Variants in COLEC10 observed in about 807,000 individuals in gnomAD.
COLEC10 encodes collectin-10.
In COLEC10, 22 loss-of-function variants were observed where a neutral mutation model predicts 28.4. The ratio of observed to expected loss-of-function variants is 0.78; its 90% CI spans 0.55 to 1.11. COLEC10 has a LOEUF of 1.11. Ranked by LOEUF, COLEC10 falls within the 50% of genes least tolerant of loss-of-function variation. COLEC10 has a pLI of 0.00. For synonymous variants in COLEC10, 125 were observed against 116.1 expected, an observed-to-expected ratio of 1.08 and a Z score of -0.49; for missense variants, 361 against 344.1, an observed-to-expected ratio of 1.05 and a Z score of -0.39.
At chr8:119,069,629 A>AAAATAT (rs1554627284) in intron 1 of COLEC10, among the ~76,000 whole-genome samples, 2 of 42,876 alleles carry the variant, frequency 4.7e-5, no homozygotes, top group Admixed American at 4.9e-4. Context: ...AAAAAAAAAA[A>AAAATAT]ATATATATAT....
chr8:119,053,865 A>G lies in COLEC10; in HGVS notation n.236-35815A>G, dbSNP rs537250843. 2.6e-5 allele frequency among the ~76,000 whole-genome samples: 4 copies of G among 152,214 alleles called. No individual in the cohort carries two copies. The South Asian group carries it at 8.3e-4, about 32-fold the overall frequency. On this transcript the variant is annotated intron_variant and non_coding_transcript_variant, in intron 2 of 6. Coordinates refer to the COLEC10 transcript ENST00000521788. Reference sequence around the variant, plus strand: ...CAATTGGATACTTGAAACCGTGGATAGTATTGAACCCTATATATACTATGT... The same window carrying G: ...CAATTGGATACTTGAAACCGTGGATGGTATTGAACCCTATATATACTATGT...
intron 2 of COLEC10, among the ~76,000 whole-genome samples, chr8:119,021,103 G>A (rs1814083042): frequency 6.6e-6 from 1 of 152,108 alleles, no homozygotes; most frequent in East Asian, 1.9e-4. Context: ...AACATTCAAT[G>A]TTAATTGAAA....
At position 119,106,236 on chromosome 8, in the gene COLEC10, A is replaced by G. The variant is rs759497062; in HGVS notation, c.*45A>G. On this transcript the variant is annotated 3_prime_UTR_variant, in exon 6 of 6. Coordinates refer to ENST00000332843, the MANE Select transcript of COLEC10 (RefSeq NM_006438.5). Reference sequence around the variant, plus strand: ...TTGCTATTTTCCTGTGACCGTCATTACAGTTATTGTTATCCATCCTTTTTT... The same window carrying G: ...TTGCTATTTTCCTGTGACCGTCATTGCAGTTATTGTTATCCATCCTTTTTT... 3 of 1,541,554 alleles carry G rather than the reference A, an allele frequency of 1.9e-6. No homozygotes were observed. The Admixed American group carries it at 5.7e-5, about 29-fold the overall frequency.
chr8:119,095,766 C>T (rs1414691345), intron 3 of COLEC10, among the ~76,000 whole-genome samples: 3 of 151,870 alleles, frequency 2.0e-5, no homozygotes, highest in Admixed American at 6.6e-5. Flanking sequence ...AATTGATAAG[C>T]CAATTCAAAA....
the COLEC10 span, among the ~76,000 whole-genome samples, chr8:118,964,062 G>C: frequency 6.6e-6 from 1 of 152,162 alleles, no homozygotes; most frequent in Non-Finnish European, 1.5e-5. Flanking sequence ...GGGGACTGAG[G>C]TGTTTTCCAA....
At chr8:119,004,577 G>T (rs1813756627) in intron 1 of COLEC10, among the ~76,000 whole-genome samples, 1 of 149,498 alleles carries the variant, frequency 6.7e-6, no homozygotes, top group African/African-American at 2.5e-5. Context: ...CCAAATATAT[G>T]CTTGAATATA....
At chr8:119,077,478 A>G (rs1815270500) in intron 1 of COLEC10, among the ~76,000 whole-genome samples, 1 of 152,186 alleles carries the variant, frequency 6.6e-6, no homozygotes, top group African/African-American at 2.4e-5. Flanking sequence ...ATGGGAAGAT[A>G]ATCTCCTAAA....
the COLEC10 span, among the ~76,000 whole-genome samples, chr8:118,958,991 G>C: frequency 6.6e-6 from 1 of 152,316 alleles, no homozygotes; most frequent in South Asian, 2.1e-4. Flanking sequence ...GAATCTCAAA[G>C]AGATATTTGT....
chr8:119,097,036 G>C (rs528310628), intron 3 of COLEC10, among the ~76,000 whole-genome samples: 1 of 152,036 alleles, frequency 6.6e-6, no homozygotes, highest in African/African-American at 2.4e-5. Context: ...ATGCCAAATG[G>C]TTCTATTTAT....
chr8:119,024,387 G>C (rs1047373969), intron 2 of COLEC10, among the ~76,000 whole-genome samples: 7 of 152,086 alleles, frequency 4.6e-5, no homozygotes, highest in African/African-American at 1.7e-4. Flanking sequence ...GATTTCAGTA[G>C]TTTTCTTATA....
the COLEC10 span, among the ~76,000 whole-genome samples, chr8:118,960,235 C>A: frequency 2.0e-5 from 3 of 151,930 alleles, no homozygotes; most frequent in Non-Finnish European, 1.5e-5. Context: ...TGAGAGAGGA[C>A]CTAGTCCCAG....
chr8:118,973,342 A>G, the COLEC10 span, among the ~76,000 whole-genome samples: 1 of 151,930 alleles, frequency 6.6e-6, no homozygotes, highest in Non-Finnish European at 1.5e-5. Flanking sequence ...TAAGACTGCA[A>G]TCAAAGTGCG....
upstream of COLEC10, among the ~76,000 whole-genome samples, chr8:119,062,479 ATT>A (rs60708114): frequency 4.0e-4 from 58 of 146,762 alleles, no homozygotes; most frequent in South Asian, 4.3e-4. Context: ...TGAATATTTG[ATT>A]TTTTTTTTTT....
chr8:119,059,744 T>C (rs1814820899), intron 2 of COLEC10, among the ~76,000 whole-genome samples: 1 of 152,070 alleles, frequency 6.6e-6, no homozygotes, highest in African/African-American at 2.4e-5. Flanking sequence ...AGCTGGGGTA[T>C]CTTTTCAAGA....
the COLEC10 span, among the ~76,000 whole-genome samples, chr8:118,988,406 G>T: frequency 1.3e-5 from 2 of 152,250 alleles, no homozygotes; most frequent in Admixed American, 6.5e-5. Context: ...TCTGATCACA[G>T]CCAGAAACAG....
At chr8:119,087,630 T>C (rs1274093474) in intron 1 of COLEC10, among the ~76,000 whole-genome samples, 1 of 152,100 alleles carries the variant, frequency 6.6e-6, no homozygotes, top group Non-Finnish European at 1.5e-5. Context: ...TCTCCCACTA[T>C]CTTTCTTGCC....
chr8:119,070,678 C>G, intron 1 of COLEC10, among the ~76,000 whole-genome samples: 1 of 150,652 alleles, frequency 6.6e-6, no homozygotes, highest in Non-Finnish European at 1.5e-5. Context: ...ATTCTGACCT[C>G]TAGTGGTCTC....
chr8:119,064,687 C>T (rs532800232), upstream of COLEC10, among the ~76,000 whole-genome samples: 6 of 152,260 alleles, frequency 3.9e-5, no homozygotes, highest in African/African-American at 1.4e-4. Flanking sequence ...CCACTTTGGA[C>T]ATTTTAAGTG....
At chr8:119,023,758 C>A (rs10505352) in intron 2 of COLEC10, among the ~76,000 whole-genome samples, 6,690 of 152,214 alleles carry the variant, frequency 0.044, 217 homozygotes, top group East Asian at 0.16. Context: ...TTTCAATCAA[C>A]TTATTTGCTG....
Sources: gnomAD v4.1 joint callset for allele counts (sites outside exome capture counted in the v4.1 genomes callset) on GRCh38, gnomAD v4.1.1 for gene constraint, MANE v1.5 for transcripts, NCBI Gene and HGNC (gene_info 2026-07-23, HGNC 2026-07-21) for gene names.